SUPT3H: variants seen among roughly 807,000 people sequenced by gnomAD.
SUPT3H encodes transcription initiation protein SPT3 homolog.
A neutral mutation model predicts 44.3 loss-of-function variants in SUPT3H; 44 were observed. The ratio of observed to expected loss-of-function variants is 0.99; its 90% CI spans 0.78 to 1.28. The LOEUF (loss-of-function observed/expected upper bound fraction) is 1.28, where lower values mean the gene tolerates loss of function less well. SUPT3H is among the 50% of genes most tolerant of loss of function. The probability of loss-of-function intolerance (pLI) is 0.00; values close to 1 mark genes in which losing one functional copy is unlikely to be tolerated. For synonymous variants in SUPT3H, 124 were observed against 125.6 expected (o/e 0.99, Z 0.09); for missense variants, 380 against 387.1 (o/e 0.98, Z 0.15).
At chr6:45,150,764 C>T (rs1806828354) in intron 2 of SUPT3H, among the ~76,000 whole-genome samples, 2 of 145,600 alleles carry the variant, frequency 1.4e-5, no homozygotes, top group South Asian at 4.4e-4. Context: ...ACTCTGTCGC[C>T]CAGGCTGGAG....
chr6:45,338,515 ATT>A (rs1369343353), intron 2 of SUPT3H, among the ~76,000 whole-genome samples: 1 of 152,108 alleles, frequency 6.6e-6, no homozygotes, highest in Non-Finnish European at 1.5e-5. Context: ...AAGAGCACTG[ATT>A]TCAGGTAGCT....
chr6:45,123,381 T>G (rs1263250690), intron 2 of SUPT3H, among the ~76,000 whole-genome samples: 1 of 151,438 alleles, frequency 6.6e-6, no homozygotes, highest in Non-Finnish European at 1.5e-5. Context: ...TTTCTTTTTT[T>G]TTTTTTTCCC....
intron 1 of SUPT3H, among the ~76,000 whole-genome samples, chr6:45,376,573 C>A (rs1796804661): frequency 6.6e-6 from 1 of 152,224 alleles, no homozygotes; most frequent in African/African-American, 2.4e-5. Context: ...GCAGAAACTG[C>A]TAGTGAAAAG....
intron 10 of SUPT3H, chr6:44,898,912 A>C (rs997505669): frequency 3.3e-5 from 5 of 152,248 alleles, no homozygotes; most frequent in African/African-American, 1.2e-4. Flanking sequence ...GGCAACTGAC[A>C]GTTTTTTTTA....
intron 3 of SUPT3H, among the ~76,000 whole-genome samples, chr6:45,032,836 A>G (rs1345801279): frequency 6.6e-6 from 1 of 152,160 alleles, no homozygotes; most frequent in Non-Finnish European, 1.5e-5. Context: ...CTCTCTTTAT[A>G]AGAAGGCGGC....
intron 2 of SUPT3H, among the ~76,000 whole-genome samples, chr6:45,334,110 A>C (rs1208567226): frequency 1.3e-5 from 2 of 151,260 alleles, no homozygotes; most frequent in African/African-American, 4.8e-5. Flanking sequence ...TCCTATTGCC[A>C]ATTCTCTTAA....
chr6:45,284,543 G>T (rs867097890), intron 2 of SUPT3H, among the ~76,000 whole-genome samples: 73 of 152,204 alleles, frequency 4.8e-4, no homozygotes, highest in African/African-American at 1.7e-3. Flanking sequence ...GACTAAACGA[G>T]GAAGAAGTTG....
chr6:45,165,811 A>G (rs1043841717), intron 2 of SUPT3H, among the ~76,000 whole-genome samples: 2 of 152,030 alleles, frequency 1.3e-5, no homozygotes, highest in Non-Finnish European at 2.9e-5. Context: ...AACAAAGGGG[A>G]AAAAAAAGAC....
intron 2 of SUPT3H, among the ~76,000 whole-genome samples, chr6:45,156,391 A>T (rs1410642235): frequency 6.6e-6 from 1 of 152,136 alleles, no homozygotes; most frequent in African/African-American, 2.4e-5. Flanking sequence ...ATCCTTCCTG[A>T]GTTCTAGAGT....
chr6:45,375,264 A>G (rs764073803), intron 1 of SUPT3H, among the ~76,000 whole-genome samples: 1 of 152,172 alleles, frequency 6.6e-6, no homozygotes, highest in Non-Finnish European at 1.5e-5. Context: ...AAAACTATAT[A>G]TTACAAGTCC....
intron 10 of SUPT3H, among the ~76,000 whole-genome samples, chr6:44,860,002 G>A (rs1056008351): frequency 1.6e-4 from 24 of 152,152 alleles, no homozygotes; most frequent in African/African-American, 5.8e-4. Context: ...AATGGACTAT[G>A]AAGGACTTCT....
intron 10 of SUPT3H, among the ~76,000 whole-genome samples, chr6:44,886,446 G>C (rs1409859486): frequency 3.3e-5 from 5 of 152,204 alleles, no homozygotes; most frequent in Non-Finnish European, 7.3e-5. Context: ...AGCCAGAAGA[G>C]AGTGGGGGCT....
intron 9 of SUPT3H, among the ~76,000 whole-genome samples, chr6:44,944,021 G>A (rs2153467862): frequency 6.6e-6 from 1 of 152,160 alleles, no homozygotes; most frequent in South Asian, 2.1e-4. Flanking sequence ...AAGATCAAGT[G>A]AAGCTCTATT....
intron 2 of SUPT3H, among the ~76,000 whole-genome samples, chr6:45,130,698 A>C (rs1278064890): frequency 8.6e-6 from 1 of 116,556 alleles, no homozygotes. Context: ...AAAAAAAAAC[A>C]AAAAAAAAAA....
chr6:45,161,025 T>TG (rs1466835146), intron 2 of SUPT3H, among the ~76,000 whole-genome samples: 1 of 152,050 alleles, frequency 6.6e-6, no homozygotes, highest in Non-Finnish European at 1.5e-5. Flanking sequence ...TCAGGAGCTC[T>TG]GGTTGTTTAA....
At chr6:44,845,453 G>C (rs916122399) in intron 10 of SUPT3H, among the ~76,000 whole-genome samples, 1 of 152,174 alleles carries the variant, frequency 6.6e-6, no homozygotes, top group Non-Finnish European at 1.5e-5. Flanking sequence ...AACTGTTTTG[G>C]TACTGGTATG....
intron 2 of SUPT3H, among the ~76,000 whole-genome samples, chr6:45,306,736 T>C (rs4478406): frequency 0.22 from 33,239 of 152,008 alleles, 4,410 homozygotes; most frequent in Non-Finnish European, 0.31. Flanking sequence ...GATTTCTGCA[T>C]TTCCAACTGA....
intron 2 of SUPT3H, among the ~76,000 whole-genome samples, chr6:45,222,902 A>T (rs994728577): frequency 6.6e-6 from 1 of 152,160 alleles, no homozygotes; most frequent in Non-Finnish European, 1.5e-5. Flanking sequence ...ACATGGATGA[A>T]TCTTCATGGA....
At chr6:45,310,714 C>T (rs966000680) in intron 2 of SUPT3H, among the ~76,000 whole-genome samples, 3 of 152,114 alleles carry the variant, frequency 2.0e-5, no homozygotes, top group Admixed American at 6.5e-5. Flanking sequence ...GAAGCCATAA[C>T]CACAGGAAAA....
Sources: allele counts gnomAD v4.1 joint callset (sites outside exome capture counted in the v4.1 genomes callset), GRCh38; gene constraint gnomAD v4.1.1; transcripts MANE v1.5; gene names NCBI Gene and HGNC (gene_info 2026-07-23, HGNC 2026-07-21).